Variants in FSHR observed in about 807,000 individuals in gnomAD.
FSHR encodes the protein follicle stimulating hormone receptor.
Under a neutral mutation model 52.1 loss-of-function variants are expected in FSHR, and 46 were observed. The observed-to-expected ratio is 0.88, with a 90% CI of 0.70 to 1.13. The LOEUF (loss-of-function observed/expected upper bound fraction) is 1.13, where lower values mean the gene tolerates loss of function less well. FSHR is among the 50% of genes most tolerant of loss of function. The pLI, the probability that FSHR is intolerant of heterozygous loss-of-function variation, is 0.00. For missense variants in FSHR, 964 were observed against 834.6 expected, an observed-to-expected ratio of 1.16 and a Z score of -1.91; for synonymous variants, 399 against 309.6, an observed-to-expected ratio of 1.29 and a Z score of -3.03.
chr2:48,988,923 T>A (rs1675639617), intron 6 of FSHR, 54 bp downstream of exon 6: 2 of 1,437,974 alleles, frequency 1.4e-6, no homozygotes, highest in Admixed American at 3.4e-5. Flanking sequence ...GAGAAAGAGA[T>A]CACTAAATGA....
intron 1 of FSHR, among the ~76,000 whole-genome samples, chr2:49,100,668 C>G (rs1670993614): frequency 6.6e-6 from 1 of 152,198 alleles, no homozygotes; most frequent in African/African-American, 2.4e-5. Flanking sequence ...GATCCCAGAT[C>G]CCTGATCAGA....
At chr2:49,045,298 G>T (rs1159682541) in intron 2 of FSHR, among the ~76,000 whole-genome samples, 2 of 152,132 alleles carry the variant, frequency 1.3e-5, no homozygotes, top group Non-Finnish European at 2.9e-5. Context: ...CCTGAGAGCT[G>T]GTTTAGGCAG....
chr2:49,013,338 T>C (rs1466384295), intron 4 of FSHR, among the ~76,000 whole-genome samples: 2 of 151,228 alleles, frequency 1.3e-5, no homozygotes, highest in African/African-American at 4.9e-5. Flanking sequence ...GGAAGCTTAA[T>C]TAGGTTTTGT....
intron 1 of FSHR, among the ~76,000 whole-genome samples, chr2:49,151,045 A>G (rs1011917152): frequency 4.1e-4 from 62 of 151,808 alleles, no homozygotes; most frequent in African/African-American, 1.5e-3. Context: ...CATGTTGTTT[A>G]TGGCTGCTTT....
chr2:49,140,693 G>A (rs1672653357), intron 1 of FSHR, among the ~76,000 whole-genome samples: 1 of 150,202 alleles, frequency 6.7e-6, no homozygotes, highest in Admixed American at 6.6e-5. Flanking sequence ...GACAGAGTGA[G>A]ACTCCATCTC....
At chr2:49,044,564 G>T (rs1364878972) in intron 2 of FSHR, among the ~76,000 whole-genome samples, 1 of 152,116 alleles carries the variant, frequency 6.6e-6, no homozygotes, top group African/African-American at 2.4e-5. Flanking sequence ...TTCTGCTCTA[G>T]GTTTCCTGTG....
At chr2:48,975,237 A>C (rs933292489) in intron 8 of FSHR, among the ~76,000 whole-genome samples, 2 of 152,232 alleles carry the variant, frequency 1.3e-5, no homozygotes, top group Non-Finnish European at 2.9e-5. Context: ...CTACTTTTAG[A>C]CATCAGAACT....
chr2:49,039,133 A>G (rs6545093), intron 2 of FSHR, among the ~76,000 whole-genome samples: 1 of 94,944 alleles, frequency 1.1e-5, no homozygotes, highest in Non-Finnish European at 3.2e-5. Flanking sequence ...TTTACAGGTT[A>G]TTTTGTTGTA....
chr2:48,980,373 C>T (rs1364655007), intron 8 of FSHR, among the ~76,000 whole-genome samples: 1 of 152,210 alleles, frequency 6.6e-6, no homozygotes, highest in Admixed American at 6.5e-5. Context: ...GGGCCTATAA[C>T]TTGAGGACCT....
At chr2:49,101,266 G>T (rs1671015648) in intron 1 of FSHR, among the ~76,000 whole-genome samples, 1 of 152,106 alleles carries the variant, frequency 6.6e-6, no homozygotes, top group African/African-American at 2.4e-5. Context: ...TTTATTTCCT[G>T]CCCAGTTGTG....
intron 1 of FSHR, among the ~76,000 whole-genome samples, chr2:49,123,722 C>T (rs1671898745): frequency 6.6e-6 from 1 of 152,076 alleles, no homozygotes; most frequent in Non-Finnish European, 1.5e-5. Context: ...GACTTCCATT[C>T]AGTGTTTCTC....
At chr2:49,063,069 C>T (rs564270079) in intron 2 of FSHR, among the ~76,000 whole-genome samples, 2 of 152,054 alleles carry the variant, frequency 1.3e-5, no homozygotes, top group Non-Finnish European at 2.9e-5. Context: ...TATGATCCAG[C>T]AATTTTACTA....
chr2:49,061,753 TTTATATATAACTA>T (rs1669310799), intron 2 of FSHR, among the ~76,000 whole-genome samples: 1 of 124,708 alleles, frequency 8.0e-6, no homozygotes, highest in Non-Finnish European at 1.7e-5. Flanking sequence ...TATATAACTA[TTTATATATAACTA>T]TATATAACTC....
intron 1 of FSHR, among the ~76,000 whole-genome samples, chr2:49,129,892 G>C (rs1672204593): frequency 1.3e-5 from 2 of 152,104 alleles, no homozygotes; most frequent in African/African-American, 4.8e-5. Flanking sequence ...TAAAATGTTT[G>C]AGTTCAGGAA....
intron 2 of FSHR, among the ~76,000 whole-genome samples, chr2:49,026,561 T>C (rs1667917127): frequency 2.6e-5 from 4 of 152,110 alleles, no homozygotes. Context: ...ATAAGCACCT[T>C]TTAGTACATT....
intron 5 of FSHR, 71 bp downstream of exon 5, chr2:48,990,495 A>T: frequency 1.0e-6 from 1 of 972,488 alleles, no homozygotes; most frequent in Non-Finnish European, 1.7e-6. Context: ...TGCATATTAA[A>T]GGCCCAGATA....
intron 2 of FSHR, among the ~76,000 whole-genome samples, chr2:49,054,739 C>G (rs1053728011): frequency 1.3e-5 from 2 of 152,184 alleles, no homozygotes; most frequent in Non-Finnish European, 2.9e-5. Context: ...CAGACTCTCT[C>G]AGCTTAGGCT....
chr2:48,982,893 A>G lies in FSHR; in HGVS notation c.668+19T>C, dbSNP rs1675315780. 6.2e-7 allele frequency: 1 copy of G among 1,602,074 alleles called. No homozygotes were observed. The highest frequency in any genetic ancestry group is 1.3e-5 in the African/African-American group (1 of 74,666). The stretch of plus-strand genomic sequence containing the variant: ...CACAAACTGAGCTCTTACACACAGA[A>G]ATGGGGAAAGCTACTCACAGAATGA... On this transcript the variant is annotated intron_variant, in intron 8 of 9. Transcript: ENST00000406846.
At chr2:49,091,892 C>T (rs940983390) in intron 1 of FSHR, among the ~76,000 whole-genome samples, 2 of 152,130 alleles carry the variant, frequency 1.3e-5, no homozygotes, top group African/African-American at 2.4e-5. Context: ...ATTTTAGAAT[C>T]AGCTAATCTG....
Sources: gnomAD v4.1 joint callset for allele counts (sites outside exome capture counted in the v4.1 genomes callset) on GRCh38, gnomAD v4.1.1 for gene constraint, MANE v1.5 for transcripts, NCBI Gene and HGNC (gene_info 2026-07-23, HGNC 2026-07-21) for gene names.